The following INPP4B variants were observed in gnomAD, a reference collection of about 807,000 sequenced individuals.
INPP4B encodes inositol polyphosphate 4-phosphatase type II.
A neutral mutation model predicts 122.5 loss-of-function variants in INPP4B; 55 were observed. The ratio of observed to expected loss-of-function variants is 0.45; its 90% CI spans 0.36 to 0.56. The LOEUF is 0.56. Among genes scored for constraint, INPP4B ranks in the 20% least tolerant of loss-of-function variants. INPP4B has a pLI of 0.00. For synonymous variants in INPP4B, 403 were observed against 388.7 expected (o/e 1.04, Z -0.43); for missense variants, 1,000 against 1,097.7 (o/e 0.91, Z 1.26).
At chr4:142,807,608 T>C (rs1042692374) in intron 1 of INPP4B, among the ~76,000 whole-genome samples, 1 of 152,150 alleles carries the variant, frequency 6.6e-6, no homozygotes, top group Non-Finnish European at 1.5e-5. Flanking sequence ...GAATACACAT[T>C]GGAAGGAGCA....
At chr4:142,152,322 G>T (rs1579091953) in intron 17 of INPP4B, among the ~76,000 whole-genome samples, 1 of 151,646 alleles carries the variant, frequency 6.6e-6, no homozygotes, top group East Asian at 1.9e-4. Flanking sequence ...TGATCCACCC[G>T]CCTGGGCCTC....
intron 5 of INPP4B, among the ~76,000 whole-genome samples, chr4:142,415,487 A>C (rs983601879): frequency 5.9e-5 from 9 of 152,120 alleles, no homozygotes; most frequent in African/African-American, 1.4e-4. Flanking sequence ...GGCGATCATT[A>C]AAAAGTCAGG....
chr4:142,639,126 C>T (rs899357012), intron 2 of INPP4B, among the ~76,000 whole-genome samples: 1 of 152,068 alleles, frequency 6.6e-6, no homozygotes, highest in African/African-American at 2.4e-5. Flanking sequence ...TGGGATCATG[C>T]CACTTGGTTG....
At chr4:142,383,865 C>A in intron 7 of INPP4B, 2 of 494,958 alleles carry the variant, frequency 4.0e-6, no homozygotes, top group South Asian at 3.9e-5. Context: ...TGAATAATAT[C>A]CGGGTGGCGG....
At chr4:142,069,326 T>C (rs1372137004) in intron 25 of INPP4B, among the ~76,000 whole-genome samples, 2 of 152,238 alleles carry the variant, frequency 1.3e-5, no homozygotes, top group African/African-American at 4.8e-5. Context: ...GGGACACATT[T>C]AAAGCAGTGT....
At chr4:142,180,580 T>A (rs1252005394) in intron 15 of INPP4B, among the ~76,000 whole-genome samples, 1 of 152,194 alleles carries the variant, frequency 6.6e-6, no homozygotes, top group Non-Finnish European at 1.5e-5. Context: ...GGAACAAATA[T>A]TAATTCAAGA....
intron 2 of INPP4B, among the ~76,000 whole-genome samples, chr4:142,553,522 G>C (rs1304288014): frequency 2.0e-5 from 3 of 152,174 alleles, no homozygotes; most frequent in Non-Finnish European, 4.4e-5. Context: ...ATTGTTGCCT[G>C]CTAGTCAACT....
At chr4:142,130,556 C>T (rs1800766485) in intron 18 of INPP4B, among the ~76,000 whole-genome samples, 1 of 152,098 alleles carries the variant, frequency 6.6e-6, no homozygotes, top group Non-Finnish European at 1.5e-5. Context: ...CAATGTGTAT[C>T]AGACAGGGTG....
intron 7 of INPP4B, among the ~76,000 whole-genome samples, chr4:142,319,141 A>G (rs924664757): frequency 1.3e-5 from 2 of 152,168 alleles, no homozygotes; most frequent in African/African-American, 4.8e-5. Context: ...GGGTCTGCAC[A>G]CTAGGCTGGC....
intron 6 of INPP4B, 88 bp downstream of exon 6, chr4:142,405,118 T>TGGGG (rs368527003): frequency 0.094 from 49,167 of 525,766 alleles, 1,143 homozygotes; most frequent in East Asian, 0.16. Context: ...GGGGCGGGGG[T>TGGGG]GGGGGGGAGG....
At chr4:142,596,041 G>A (rs1738619834) in intron 2 of INPP4B, among the ~76,000 whole-genome samples, 2 of 151,958 alleles carry the variant, frequency 1.3e-5, no homozygotes, top group South Asian at 4.2e-4. Context: ...TAGAGACAAG[G>A]TTCCACCATA....
chr4:142,607,268 C>T (rs554967178), intron 2 of INPP4B, among the ~76,000 whole-genome samples: 1 of 151,964 alleles, frequency 6.6e-6, no homozygotes, highest in East Asian at 1.9e-4. Flanking sequence ...ATATGGAAAG[C>T]AGATAAGATT....
chr4:142,757,760 T>G (rs1281057053), intron 1 of INPP4B, among the ~76,000 whole-genome samples: 1 of 152,196 alleles, frequency 6.6e-6, no homozygotes, highest in Non-Finnish European at 1.5e-5. Context: ...TTTCAATTCA[T>G]TTGGGTGCAT....
intron 2 of INPP4B, among the ~76,000 whole-genome samples, chr4:142,693,483 TAAAAAAAAAAAAAAAAAA>T (rs554003993): frequency 9.5e-5 from 5 of 52,436 alleles, no homozygotes; most frequent in African/African-American, 2.3e-4. Flanking sequence ...TGCCTTTTTC[TAAAAAAAAAAAAAAAAAA>T]AAAAAAAAAA....
intron 2 of INPP4B, among the ~76,000 whole-genome samples, chr4:142,478,702 A>G (rs553192268): frequency 6.6e-6 from 1 of 152,072 alleles, no homozygotes; most frequent in Non-Finnish European, 1.5e-5. Context: ...ATTTTGTTAA[A>G]GATTTTTGCA....
At chr4:142,608,460 C>T (rs1004555230) in intron 2 of INPP4B, among the ~76,000 whole-genome samples, 1 of 152,124 alleles carries the variant, frequency 6.6e-6, no homozygotes, top group Non-Finnish European at 1.5e-5. Context: ...TCTATAGCTT[C>T]TAACTACATT....
intron 1 of INPP4B, among the ~76,000 whole-genome samples, chr4:142,729,513 G>GGAGT (rs5862611): frequency 0.67 from 101,789 of 151,260 alleles, 34,426 homozygotes; most frequent in East Asian, 0.82. Context: ...ATATAGCAGT[G>GGAGT]GAAAAAGGAA....
chr4:142,166,676 A>C (rs1482590978), intron 16 of INPP4B, among the ~76,000 whole-genome samples: 1 of 151,794 alleles, frequency 6.6e-6, no homozygotes, highest in African/African-American at 2.4e-5. Context: ...TCTACAAGGA[A>C]CTTAAACAAA....
In INPP4B at chr4:142,257,300, C is replaced by T. The variant is rs183040158; in HGVS notation, c.688+3192G>A. ...ATTCCCTTTGAAAACTGGCACTAGA[C>T]GGGATGCCCTCTCTCACCACTCCTA... is the stretch of plus-strand genomic sequence containing the variant. On this transcript the variant is annotated intron_variant, in intron 11 of 25. Transcript: ENST00000262992. 5.0e-3 allele frequency among the ~76,000 whole-genome samples: 760 copies of T among 152,148 alleles called. 10 individuals carry two copies. Among genetic ancestry groups the T allele is most frequent in the African/African-American group, 0.017 (721 of 41,510 alleles).
Sources: allele counts gnomAD v4.1 joint callset (sites outside exome capture counted in the v4.1 genomes callset), GRCh38; gene constraint gnomAD v4.1.1; transcripts MANE v1.5; gene names NCBI Gene and HGNC (gene_info 2026-07-23, HGNC 2026-07-21).